Variants in ACTR3B observed in about 807,000 individuals in gnomAD.
The protein encoded by ACTR3B is actin-related protein 3B.
A neutral mutation model predicts 59.0 loss-of-function variants in ACTR3B; 8 were observed. That is an observed-to-expected ratio of 0.14 (90% confidence interval 0.08 to 0.24). The LOEUF (loss-of-function observed/expected upper bound fraction) is 0.24. Ranked by LOEUF, ACTR3B falls within the 10% of genes least tolerant of loss-of-function variation. The pLI is 1.00. For synonymous variants in ACTR3B, 148 were observed against 197.9 expected, an observed-to-expected ratio of 0.75 and a Z score of 2.12; for missense variants, 245 against 552.3, an observed-to-expected ratio of 0.44 and a Z score of 5.58.
chr7:152,824,988 G>C lies in ACTR3B; in HGVS notation c.859-42G>C, dbSNP rs1476127406. 1 of 1,590,580 alleles carries C rather than the reference G, an allele frequency of 6.3e-7. No individual in the cohort carries two copies. Among genetic ancestry groups the C allele is most frequent in the East Asian group, 2.2e-5 (1 of 44,632 alleles). On this transcript the variant is annotated intron_variant, in intron 8 of 11. Transcript: ENST00000256001. The surrounding 1 kb of genome is among the most constrained non-coding windows in gnomAD (Gnocchi z 4.2). ...GAAGTGTGCATGTTGTTCTATTTGA[G>C]AGAAATGTGTAATGTTTCTTTTATA...
rs535102247 is a variant in ACTR3B, at chr7:152,777,371, G to A, written c.45-5816G>A. On this transcript the variant is annotated intron_variant, in intron 1 of 11. Transcript: ENST00000256001. ...CTGTGTAAGATTAAGGCATGTCTCT[G>A]TTTGTCTGCTTGTATGTAGAGAGTT... is the stretch of plus-strand genomic sequence containing the variant. Among the ~76,000 whole-genome samples the A allele has an allele frequency of 3.5e-4, 54 of 152,228 alleles. 1 individual carries two copies. Among genetic ancestry groups the A allele is most frequent in the African/African-American group, 1.2e-3 (50 of 41,520 alleles).
intron 9 of ACTR3B, among the ~76,000 whole-genome samples, chr7:152,836,102 A>C (rs1797432520): frequency 6.7e-6 from 1 of 150,064 alleles, no homozygotes; most frequent in African/African-American, 2.5e-5. Flanking sequence ...GCAAGACCAC[A>C]GAGATGTGGA....
intron 2 of ACTR3B, among the ~76,000 whole-genome samples, chr7:152,795,574 T>C (rs1284966064): frequency 1.3e-5 from 2 of 152,236 alleles, no homozygotes; most frequent in Non-Finnish European, 2.9e-5. Flanking sequence ...TAAATGACTT[T>C]GAGAGGTAAC....
Position 152,803,179 on chromosome 7 carries a change from C to T in ACTR3B, c.336+1448C>T, listed in dbSNP as rs562106302. 1.8e-4 allele frequency among the ~76,000 whole-genome samples: 27 copies of T among 152,224 alleles called. No homozygotes were observed. The East Asian group carries it at 2.3e-3, about 13-fold the overall frequency. ...TCCCACCTCAACCACCTGAGTAGCT[C>T]GGACCACAGGTAGAAGCCACTAGCC... On this transcript the variant is annotated intron_variant, in intron 4 of 11. Coordinates refer to ENST00000256001, the MANE Select transcript of ACTR3B (RefSeq NM_020445.6).
At chr7:152,805,980 C>T (rs577346600) in intron 4 of ACTR3B, among the ~76,000 whole-genome samples, 15 of 152,004 alleles carry the variant, frequency 9.9e-5, no homozygotes, top group Admixed American at 9.8e-4. Context: ...AAATCAATAC[C>T]AGGTGATAAT....
intron 2 of ACTR3B, among the ~76,000 whole-genome samples, chr7:152,797,338 C>T (rs745649364): frequency 3.3e-5 from 5 of 152,096 alleles, no homozygotes; most frequent in Non-Finnish European, 5.9e-5. Context: ...GCCTTAGCCT[C>T]CTGAGTCTCT....
intron 9 of ACTR3B, among the ~76,000 whole-genome samples, chr7:152,846,794 C>G (rs754711044): frequency 1.4e-5 from 2 of 142,272 alleles, no homozygotes; most frequent in Non-Finnish European, 3.0e-5. Context: ...GTAGTGAGCT[C>G]TAGTGCCTGG....
Position 152,759,780 on chromosome 7 carries a change from C to A in ACTR3B, c.-103C>A. 2.1e-6 allele frequency: 2 copies of A among 933,644 alleles called. No homozygotes were observed. The highest frequency in any genetic ancestry group is 4.9e-5 in the South Asian group (1 of 20,320). 57.8% of individuals were successfully genotyped at this position (933,644 alleles called of 1,614,324 possible). A position where few individuals can be genotyped will look rare whatever the true frequency, so the allele number is the denominator to read the frequency against. On this transcript the variant is annotated 5_prime_UTR_variant, in exon 1 of 12. Transcript: ENST00000256001. ...CGGGCTCCCGGCAGCGGCGCTGCGG[C>A]GGCTCGCGGGAGACGCTGCGCGCGG... is the stretch of plus-strand genomic sequence containing the variant.
chr7:152,846,645 C>CG (rs1798326805), intron 9 of ACTR3B, among the ~76,000 whole-genome samples: 2 of 138,726 alleles, frequency 1.4e-5, no homozygotes, highest in South Asian at 2.4e-4. Flanking sequence ...CCCCAGCGCC[C>CG]GGGCTGCAGT....
At chr7:152,849,806 G>A (rs2117010354) in intron 9 of ACTR3B, among the ~76,000 whole-genome samples, 1 of 152,386 alleles carries the variant, frequency 6.6e-6, no homozygotes, top group Admixed American at 6.5e-5. Context: ...GGTAATCAGA[G>A]GTGAAATTTC....
At chr7:152,780,487 A>T (rs6464276) in intron 1 of ACTR3B, among the ~76,000 whole-genome samples, 119,002 of 150,854 alleles carry the variant, frequency 0.79, 47,061 homozygotes, top group East Asian at 0.87. Flanking sequence ...ATACTGTCTA[A>T]AAGAATGTTG....
intron 6 of ACTR3B, 135 bp from the exon 7 acceptor site, chr7:152,820,164 G>A (rs1796031930): frequency 6.7e-7 from 1 of 1,482,696 alleles, no homozygotes; most frequent in Admixed American, 2.2e-5. Context: ...GCTTGCAGAG[G>A]GTGGGGATTA....
intron 1 of ACTR3B, among the ~76,000 whole-genome samples, chr7:152,761,894 G>A (rs2098090430): frequency 6.6e-6 from 1 of 152,188 alleles, no homozygotes. Context: ...CTGAGCTTTA[G>A]CCCAGTGGCT....
At chr7:152,770,704 G>A (rs1590201749) in intron 1 of ACTR3B, among the ~76,000 whole-genome samples, 1 of 150,206 alleles carries the variant, frequency 6.7e-6, no homozygotes, top group East Asian at 1.9e-4. Flanking sequence ...ATTGCTCACT[G>A]TTCAGCCAAT....
chr7:152,790,830 T>C (rs569822892), intron 2 of ACTR3B, among the ~76,000 whole-genome samples: 2 of 152,326 alleles, frequency 1.3e-5, no homozygotes, highest in East Asian at 1.9e-4. Flanking sequence ...GCAAATGTTC[T>C]GAAGTATCTG....
At chr7:152,813,392 C>G (rs1795427076) in intron 4 of ACTR3B, 1 of 151,480 alleles carries the variant, frequency 6.6e-6, no homozygotes, top group Non-Finnish European at 1.5e-5. Flanking sequence ...TTTATTTATT[C>G]TTTTTCTGTT....
chr7:152,803,184 C>T (rs2098242234), intron 4 of ACTR3B, among the ~76,000 whole-genome samples: 1 of 152,104 alleles, frequency 6.6e-6, no homozygotes, highest in Non-Finnish European at 1.5e-5. Flanking sequence ...TAGCTCGGAC[C>T]ACAGGTAGAA....
Position 152,854,685 on chromosome 7 carries a change from C to T in ACTR3B, c.*132C>T. ...CAGCAGCGTGCTTGCATTGCCGGTG[C>T]ATGAGGCGCGGCGCGGGCCCTTCAG... On this transcript the variant is annotated 3_prime_UTR_variant, in exon 12 of 12. Transcript: ENST00000256001. The surrounding 1 kb of genome is among the most constrained non-coding windows in gnomAD (Gnocchi z 4.9). 1 of 921,254 alleles carries T rather than the reference C, an allele frequency of 1.1e-6. No individual in the cohort carries two copies. The highest frequency in any genetic ancestry group is 2.6e-5 in the East Asian group (1 of 38,220). The allele number at this position is 921,254 out of a possible 1,614,324, so 57.1% of individuals were successfully genotyped here.
intron 2 of ACTR3B, among the ~76,000 whole-genome samples, chr7:152,788,867 A>G (rs2098183814): frequency 6.6e-6 from 1 of 152,194 alleles, no homozygotes; most frequent in Non-Finnish European, 1.5e-5. Context: ...ACTAAAAAAT[A>G]CAAAAATTAG....
Sources: allele counts gnomAD v4.1 joint callset (sites outside exome capture counted in the v4.1 genomes callset), GRCh38; gene constraint gnomAD v4.1.1; non-coding constraint Gnocchi (gnomAD v3.1); transcripts MANE v1.5; gene names NCBI Gene and HGNC (gene_info 2026-07-23, HGNC 2026-07-21).